The following ZSWIM6 variants were observed in gnomAD, a reference collection of about 807,000 sequenced individuals.
ZSWIM6 encodes zinc finger SWIM domain-containing protein 6.
Under a neutral mutation model 113.2 loss-of-function variants are expected in ZSWIM6, and 9 were observed. That is an observed-to-expected ratio of 0.08 (90% CI 0.05 to 0.14). ZSWIM6 has a LOEUF of 0.14. Among genes scored for constraint, ZSWIM6 ranks in the 10% least tolerant of loss-of-function variants. The pLI is 1.00. For synonymous variants in ZSWIM6, 611 were observed against 606.5 expected (o/e 1.01, Z -0.11); for missense variants, 1,162 against 1,552.2 (o/e 0.75, Z 4.22).
intron 1 of ZSWIM6, among the ~76,000 whole-genome samples, chr5:61,469,957 T>C (rs1387777304): frequency 6.6e-6 from 1 of 152,232 alleles, no homozygotes; most frequent in African/African-American, 2.4e-5. Context: ...TCCGCCTGCC[T>C]CGGCCTCCCA....
intron 4 of ZSWIM6, among the ~76,000 whole-genome samples, chr5:61,497,923 A>T (rs143730323): frequency 1.0e-3 from 158 of 152,224 alleles, no homozygotes; most frequent in African/African-American, 3.6e-3. Context: ...TCCAAGAACA[A>T]CCCAGTGCTG....
Position 61,512,284 on chromosome 5 carries a change from A to G in ZSWIM6, c.1334-8979A>G, listed in dbSNP as rs563879742. Among the ~76,000 whole-genome samples, 4 of 152,208 alleles carry G rather than the reference A, an allele frequency of 2.6e-5. No homozygotes were observed. In the East Asian group the frequency reaches 7.7e-4, roughly 29 times the overall value. The stretch of plus-strand genomic sequence containing the variant: ...ATTGTATATTTGAGATATTATGTGT[A>G]CATCAGTGGGTTTTTGTTGTTGTTA... On this transcript the variant is annotated intron_variant, in intron 4 of 13. Transcript: ENST00000252744.
chr5:61,490,013 G>C (rs764647830), intron 2 of ZSWIM6, among the ~76,000 whole-genome samples: 2 of 151,994 alleles, frequency 1.3e-5, no homozygotes, highest in African/African-American at 4.8e-5. Flanking sequence ...ACAGTTTTTA[G>C]ATCTAATTTT....
chr5:61,355,520 T>G (rs1210507988), intron 1 of ZSWIM6, among the ~76,000 whole-genome samples: 1 of 151,134 alleles, frequency 6.6e-6, no homozygotes, highest in Non-Finnish European at 1.5e-5. Context: ...GGAGCCAGAA[T>G]GTTAACTTAG....
chr5:61,522,521 G>C (rs886350947), intron 5 of ZSWIM6, among the ~76,000 whole-genome samples: 1 of 152,142 alleles, frequency 6.6e-6, no homozygotes. Flanking sequence ...TGCAAAGAAA[G>C]AAAATGATAT....
chr5:61,481,774 T>A (rs1352029692), intron 2 of ZSWIM6, among the ~76,000 whole-genome samples: 4 of 152,010 alleles, frequency 2.6e-5, no homozygotes, highest in Non-Finnish European at 4.4e-5. Flanking sequence ...GGTAGGCGGG[T>A]AAATCAAATT....
At chr5:61,374,575 A>T (rs1290665087) in intron 1 of ZSWIM6, among the ~76,000 whole-genome samples, 2 of 152,048 alleles carry the variant, frequency 1.3e-5, no homozygotes, top group African/African-American at 4.8e-5. Flanking sequence ...ATTTTTTGAG[A>T]TGGAGTCTCG....
chr5:61,390,184 A>G (rs1238020182), intron 1 of ZSWIM6, among the ~76,000 whole-genome samples: 1 of 152,166 alleles, frequency 6.6e-6, no homozygotes, highest in East Asian at 1.9e-4. Flanking sequence ...TGCTGTAATG[A>G]TATTGTGACA....
At chr5:61,490,392 CT>C (rs1748147956) in intron 2 of ZSWIM6, among the ~76,000 whole-genome samples, 1 of 152,070 alleles carries the variant, frequency 6.6e-6, no homozygotes, top group Non-Finnish European at 1.5e-5. Context: ...GAGAAATACT[CT>C]GCTAAGTTTA....
At chr5:61,373,653 T>G (rs1054234130) in intron 1 of ZSWIM6, among the ~76,000 whole-genome samples, 1 of 152,162 alleles carries the variant, frequency 6.6e-6, no homozygotes, top group Non-Finnish European at 1.5e-5. Context: ...AATCATCTAA[T>G]GATCATAATC....
chr5:61,519,186 C>G (rs1208501666), intron 4 of ZSWIM6, among the ~76,000 whole-genome samples: 1 of 152,172 alleles, frequency 6.6e-6, no homozygotes, highest in Non-Finnish European at 1.5e-5. Context: ...GTGATAGTTC[C>G]AATGTCAGTT....
intron 12 of ZSWIM6, among the ~76,000 whole-genome samples, 173 bp from the exon 13 acceptor site, chr5:61,541,711 G>GGTAGCCA (rs1291637222): frequency 6.6e-6 from 1 of 152,178 alleles, no homozygotes; most frequent in African/African-American, 2.4e-5. Context: ...GGCCACCTGG[G>GGTAGCCA]GTAGCCATGG....
At chr5:61,390,902 C>A in intron 1 of ZSWIM6, 2 of 876,638 alleles carry the variant, frequency 2.3e-6, no homozygotes, top group South Asian at 2.6e-5. Context: ...AGTCATTGGT[C>A]ACTTCACCAT....
chr5:61,376,331 A>C (rs1398903529), intron 1 of ZSWIM6, among the ~76,000 whole-genome samples: 3 of 147,096 alleles, frequency 2.0e-5, no homozygotes, highest in Admixed American at 6.9e-5. Context: ...TACCTGGGGA[A>C]GGAGCTTTTA....
intron 1 of ZSWIM6, among the ~76,000 whole-genome samples, chr5:61,334,096 G>C (rs1398417227): frequency 1.3e-5 from 2 of 152,248 alleles, no homozygotes; most frequent in Non-Finnish European, 2.9e-5. Context: ...GGCTTGTAAA[G>C]TAGAATATAT....
At chr5:61,364,220 A>G (rs899898915) in intron 1 of ZSWIM6, among the ~76,000 whole-genome samples, 1 of 151,854 alleles carries the variant, frequency 6.6e-6, no homozygotes, top group Non-Finnish European at 1.5e-5. Context: ...CATAGTTTCT[A>G]TTTCAGAAAA....
In ZSWIM6 at chr5:61,540,916, GTTTTTTTTTT is replaced by G. The variant is rs34749703; in HGVS notation, c.2704-956_2704-947del. On this transcript the variant is annotated intron_variant, in intron 12 of 13. Coordinates refer to ENST00000252744, the MANE Select transcript of ZSWIM6 (RefSeq NM_020928.2). ...TATGATGTCCCTGGATATTTTGTGG[GTTTTTTTTTT>G]TTTTTTTTTTTGTTGTTGTTGTTGT... Among the ~76,000 whole-genome samples, 241 of 94,584 alleles carry G rather than the reference GTTTTTTTTTT, an allele frequency of 2.5e-3. 1 individual carries two copies. The highest frequency in any genetic ancestry group is 0.012 in the African/African-American group (232 of 19,316). 62.1% of individuals were successfully genotyped at this position (94,584 alleles called of 152,430 possible).
Position 61,360,063 on chromosome 5 carries a change from G to A in ZSWIM6, c.676+27115G>A, listed in dbSNP as rs536580796. On this transcript the variant is annotated intron_variant, in intron 1 of 13. Transcript: ENST00000252744. ...ATGTTGATTGTTGAATGAGTAAAAA[G>A]GAGAAGAGGATGTTATCAAGTGTCA... Among the ~76,000 whole-genome samples, 379 of 152,198 alleles carry A rather than the reference G, an allele frequency of 2.5e-3. 2 individuals carry two copies. Among genetic ancestry groups the A allele is most frequent in the Admixed American group, 3.5e-3 (54 of 15,284 alleles).
At chr5:61,416,742 T>C (rs1315648466) in intron 1 of ZSWIM6, among the ~76,000 whole-genome samples, 2 of 152,188 alleles carry the variant, frequency 1.3e-5, no homozygotes, top group African/African-American at 4.8e-5. Flanking sequence ...GAAACACAAA[T>C]AAGTTGCTAA....
Sources: gnomAD v4.1 joint callset for allele counts (sites outside exome capture counted in the v4.1 genomes callset) on GRCh38, gnomAD v4.1.1 for gene constraint, MANE v1.5 for transcripts, NCBI Gene and HGNC (gene_info 2026-07-23, HGNC 2026-07-21) for gene names.